LOC128462377: variants seen among roughly 807,000 people sequenced by gnomAD.
chr16:89,410,030 G>A, the LOC128462377 span, among the ~76,000 whole-genome samples: 4 of 152,026 alleles, frequency 2.6e-5, no homozygotes, highest in Non-Finnish European at 5.9e-5. Context: ...TAGTAGAGAC[G>A]GGTTTTCACG....
chr16:89,359,111 T>C, the LOC128462377 span, among the ~76,000 whole-genome samples: 1 of 152,048 alleles, frequency 6.6e-6, no homozygotes, highest in Admixed American at 6.6e-5. Context: ...CCAAAATATA[T>C]AAAACATCAT....
the LOC128462377 span, among the ~76,000 whole-genome samples, chr16:89,350,649 T>C: frequency 3.3e-5 from 5 of 152,320 alleles, no homozygotes; most frequent in East Asian, 5.8e-4. Flanking sequence ...TAGGATGACA[T>C]GCTGCTGCAA....
At chr16:89,365,292 CT>C in the LOC128462377 span, among the ~76,000 whole-genome samples, 3 of 152,194 alleles carry the variant, frequency 2.0e-5, no homozygotes, top group Non-Finnish European at 4.4e-5. Flanking sequence ...AGTCTAAACC[CT>C]TGTGTCATCA....
the LOC128462377 span, among the ~76,000 whole-genome samples, chr16:89,390,267 C>T: frequency 9.6e-5 from 13 of 136,064 alleles, no homozygotes; most frequent in Middle Eastern, 4.3e-3. Context: ...CCGAGTGTGG[C>T]GGGGAGCACC....
At chr16:89,414,836 G>A in the LOC128462377 span, among the ~76,000 whole-genome samples, 2 of 152,204 alleles carry the variant, frequency 1.3e-5, no homozygotes, top group Non-Finnish European at 2.9e-5. Context: ...TACTGAAGAA[G>A]CGACTGTGGA....
At chr16:89,387,965 A>G in the LOC128462377 span, among the ~76,000 whole-genome samples, 1 of 148,978 alleles carries the variant, frequency 6.7e-6, no homozygotes, top group African/African-American at 2.5e-5. Context: ...GTGAGCCGAG[A>G]TGGTGCCACC....
chr16:89,409,106 T>C, the LOC128462377 span, among the ~76,000 whole-genome samples: 1 of 152,120 alleles, frequency 6.6e-6, no homozygotes, highest in Non-Finnish European at 1.5e-5. Context: ...CCCAGGCCAG[T>C]GAGCCCTGGG....
the LOC128462377 span, among the ~76,000 whole-genome samples, chr16:89,356,615 CAA>C: frequency 1.1e-4 from 12 of 113,304 alleles, no homozygotes; most frequent in Non-Finnish European, 1.3e-4. Flanking sequence ...ACTAAAAATA[CAA>C]AAAAAAAAAA....
At chr16:89,331,173 C>T in the LOC128462377 span, among the ~76,000 whole-genome samples, 5 of 152,146 alleles carry the variant, frequency 3.3e-5, no homozygotes, top group Admixed American at 6.5e-5. Context: ...AGGCTGGTCT[C>T]GAACTCCTGA....
chr16:89,380,976 A>C, the LOC128462377 span, among the ~76,000 whole-genome samples: 1 of 152,146 alleles, frequency 6.6e-6, no homozygotes, highest in East Asian at 1.9e-4. Context: ...CAAGGTTCTA[A>C]GGGGCTCCGA....
the LOC128462377 span, among the ~76,000 whole-genome samples, chr16:89,381,591 G>A: frequency 2.6e-5 from 4 of 152,242 alleles, no homozygotes; most frequent in South Asian, 2.1e-4. Context: ...GCGATGATAC[G>A]CTTTCCAACA....
the LOC128462377 span, among the ~76,000 whole-genome samples, chr16:89,379,353 G>A: frequency 6.6e-6 from 1 of 152,216 alleles, no homozygotes. Context: ...CTCAAATCAA[G>A]TGTTACCAGT....
At chr16:89,394,894 G>C in the LOC128462377 span, among the ~76,000 whole-genome samples, 1 of 152,182 alleles carries the variant, frequency 6.6e-6, no homozygotes, top group African/African-American at 2.4e-5. Flanking sequence ...CTGTTGGAAA[G>C]CCTAAAGCTT....
At chr16:89,335,258 CCT>C in the LOC128462377 span, among the ~76,000 whole-genome samples, 10 of 152,190 alleles carry the variant, frequency 6.6e-5, no homozygotes, top group Admixed American at 1.3e-4. Context: ...TCACACCACC[CCT>C]GTTCCCAGAA....
At chr16:89,377,368 C>T in the LOC128462377 span, among the ~76,000 whole-genome samples, 5 of 151,862 alleles carry the variant, frequency 3.3e-5, no homozygotes, top group Admixed American at 2.6e-4. Context: ...AAACCCAAAA[C>T]AATGAACTCC....
the LOC128462377 span, among the ~76,000 whole-genome samples, chr16:89,407,866 AAAAAAAAG>A: frequency 6.6e-6 from 1 of 152,004 alleles, no homozygotes; most frequent in Non-Finnish European, 1.5e-5. Flanking sequence ...AAAAAAAAAA[AAAAAAAAG>A]AAGAAGAAGA....
the LOC128462377 span, among the ~76,000 whole-genome samples, chr16:89,393,906 A>G: frequency 6.6e-6 from 1 of 152,234 alleles, no homozygotes; most frequent in Non-Finnish European, 1.5e-5. Flanking sequence ...AAAGCCAAAA[A>G]GTCACGAAGA....
the LOC128462377 span, among the ~76,000 whole-genome samples, chr16:89,414,793 C>T: frequency 1.3e-5 from 2 of 152,202 alleles, no homozygotes; most frequent in African/African-American, 4.8e-5. Flanking sequence ...ACCTAAGTCA[C>T]GCCCAGATGG....
the LOC128462377 span, among the ~76,000 whole-genome samples, chr16:89,416,031 T>C: frequency 2.6e-5 from 4 of 151,730 alleles, no homozygotes; most frequent in Non-Finnish European, 5.9e-5. Flanking sequence ...TCGTATTCAA[T>C]CTAACCACCA....
Sources: allele counts gnomAD v4.1 joint callset (sites outside exome capture counted in the v4.1 genomes callset), GRCh38; gene constraint gnomAD v4.1.1; transcripts MANE v1.5.